PRKN: variants seen among roughly 807,000 people sequenced by gnomAD.
The protein encoded by PRKN is E3 ubiquitin-protein ligase parkin.
PRKN carries 56 observed loss-of-function variants against 59.5 expected under a neutral mutation model. The observed-to-expected ratio is 0.94, with a 90% CI of 0.76 to 1.18. PRKN has a LOEUF of 1.18. PRKN is among the 50% of genes most tolerant of loss of function. The probability of loss-of-function intolerance (pLI) is 0.00; values close to 1 mark genes in which losing one functional copy is unlikely to be tolerated. For missense variants in PRKN, 657 were observed against 596.4 expected (o/e 1.10, Z -1.06); for synonymous variants, 250 against 222.1 (o/e 1.13, Z -1.12).
chr6:162,657,782 G>A (rs915351488), intron 1 of PRKN, among the ~76,000 whole-genome samples: 1 of 152,076 alleles, frequency 6.6e-6, no homozygotes. Context: ...TGCCATTTCA[G>A]TATGGTCTGG....
Position 161,385,844 on chromosome 6 carries a change from C to G in PRKN, c.1167+950G>C, listed in dbSNP as rs551951538. On this transcript the variant is annotated intron_variant, in intron 10 of 11. Coordinates refer to ENST00000366898, the MANE Select transcript of PRKN (RefSeq NM_004562.3). This position sits in a 1 kb window ranked among gnomAD's most constrained non-coding sequence, Gnocchi z 4.9. ...TGCCTGGGCTATGGAAATGGCAACT[C>G]AGTCCTAAATCCACTCATATGCTCA... Among the ~76,000 whole-genome samples, 9 of 152,356 alleles carry G rather than the reference C, an allele frequency of 5.9e-5. No homozygotes were observed. The South Asian group carries it at 1.9e-3, about 32-fold the overall frequency.
rs755447980 is a variant in PRKN at position 162,290,301 on chromosome 6, ACTT to A, written c.172-27539_172-27537del. 2.0e-5 allele frequency among the ~76,000 whole-genome samples: 3 copies of A among 152,260 alleles called. No homozygotes were observed. In the East Asian group the frequency reaches 5.8e-4, roughly 29 times the overall value. On this transcript the variant is annotated intron_variant, in intron 2 of 11. Coordinates refer to ENST00000366898, the MANE Select transcript of PRKN (RefSeq NM_004562.3). ...AATATAAGATATCTGTTGTACTAAG[ACTT>A]CATTGAATAAGTTTCTTAAACAGAC...
chr6:161,994,776 G>A (rs1340580278), intron 5 of PRKN, among the ~76,000 whole-genome samples: 1 of 151,852 alleles, frequency 6.6e-6, no homozygotes. Flanking sequence ...ACCTTTGCAA[G>A]GAAAACTACA....
At chr6:162,211,652 T>C (rs970172522) in intron 3 of PRKN, among the ~76,000 whole-genome samples, 2 of 152,210 alleles carry the variant, frequency 1.3e-5, no homozygotes, top group African/African-American at 4.8e-5. Flanking sequence ...TTTGTTCATC[T>C]TCAATAGCCA....
intron 1 of PRKN, among the ~76,000 whole-genome samples, chr6:162,536,789 T>A (rs1651818762): frequency 6.6e-6 from 1 of 152,178 alleles, no homozygotes; most frequent in Admixed American, 6.5e-5. Context: ...TAAACACATT[T>A]TTTTGAAGCC....
chr6:161,819,798 C>T (rs1279077134), intron 6 of PRKN, among the ~76,000 whole-genome samples: 2 of 152,064 alleles, frequency 1.3e-5, no homozygotes, highest in Non-Finnish European at 2.9e-5. Flanking sequence ...TTATTTTATC[C>T]ACCACTGAAG....
rs557650685 is a variant in PRKN at position 161,937,016 on chromosome 6, C to T, written c.734+36286G>A. On this transcript the variant is annotated intron_variant, in intron 6 of 11. Coordinates refer to ENST00000366898, the MANE Select transcript of PRKN (RefSeq NM_004562.3). ...GGCCAGGTTGGTCATGAACTCCTGA[C>T]CTCAAGTAATCTGCATGCCTTGGCC... Among the ~76,000 whole-genome samples the T allele has an allele frequency of 3.3e-5, 5 of 152,048 alleles. No individual in the cohort carries two copies. In the South Asian group the frequency reaches 1.0e-3, roughly 32 times the overall value.
At chr6:162,352,840 G>C (rs966682172) in intron 2 of PRKN, among the ~76,000 whole-genome samples, 2 of 152,080 alleles carry the variant, frequency 1.3e-5, no homozygotes, top group Non-Finnish European at 2.9e-5. Context: ...CATCTTAAAA[G>C]TATCCATTTT....
rs1242087356 is a variant in PRKN at position 161,385,247 on chromosome 6, GC to G, written c.1167+1546del. Among the ~76,000 whole-genome samples, 3 of 152,108 alleles carry G rather than the reference GC, an allele frequency of 2.0e-5. No homozygotes were observed. Among genetic ancestry groups the G allele is most frequent in the Non-Finnish European group, 2.9e-5 (2 of 68,022 alleles). On this transcript the variant is annotated intron_variant, in intron 10 of 11. Coordinates refer to ENST00000366898, the MANE Select transcript of PRKN (RefSeq NM_004562.3). This position sits in a 1 kb window ranked among gnomAD's most constrained non-coding sequence, Gnocchi z 4.9. ...CCGGCCGGGAAATATACTTTTCAAT[GC>G]ATTTTTCTAGAGAGTCTAGCAGCTG... is the stretch of plus-strand genomic sequence containing the variant.
chr6:162,074,503 T>C (rs1478247702), intron 4 of PRKN, among the ~76,000 whole-genome samples: 1 of 151,180 alleles, frequency 6.6e-6, no homozygotes, highest in Non-Finnish European at 1.5e-5. Flanking sequence ...GGGGGAGGGA[T>C]AGCATTGGGA....
intron 6 of PRKN, among the ~76,000 whole-genome samples, chr6:161,897,649 C>A (rs1777682788): frequency 1.3e-5 from 2 of 152,108 alleles, no homozygotes; most frequent in African/African-American, 4.8e-5. Context: ...GTGCTTCTAC[C>A]CTCTGTGATA....
chr6:161,748,969 A>C (rs1340455779), intron 7 of PRKN, among the ~76,000 whole-genome samples: 3 of 152,198 alleles, frequency 2.0e-5, no homozygotes, highest in African/African-American at 7.2e-5. Flanking sequence ...GAAACAAAAC[A>C]AACCAACCCG....
chr6:161,448,053 T>C lies in PRKN; in HGVS notation c.1084-61176A>G, dbSNP rs1327553066. 6.6e-6 allele frequency among the ~76,000 whole-genome samples: 1 copy of C among 152,332 alleles called. No homozygotes were observed. Among genetic ancestry groups the C allele is most frequent in the East Asian group, 1.9e-4 (1 of 5,180 alleles). On this transcript the variant is annotated intron_variant, in intron 9 of 11. Transcript: ENST00000366898. This position sits in a 1 kb window ranked among gnomAD's most constrained non-coding sequence, Gnocchi z 5.1. ...GACCTTGGTCATTGTTATCTCTTTA[T>C]AATAAAATGCTAAGCAACCCCCTTA...
intron 1 of PRKN, among the ~76,000 whole-genome samples, chr6:162,590,805 C>T (rs968315709): frequency 9.2e-5 from 14 of 152,212 alleles, no homozygotes; most frequent in Admixed American, 6.5e-4. Context: ...CGCCATGACC[C>T]GGCACAGACG....
intron 9 of PRKN, among the ~76,000 whole-genome samples, chr6:161,439,941 GTTTTGTTTTGTTTTTTGT>G (rs1313432600): frequency 1.4e-5 from 2 of 138,788 alleles, no homozygotes; most frequent in African/African-American, 2.7e-5. Context: ...TTTGTTTTTT[GTTTTGTTTTGTTTTTTGT>G]TTTTTTTTTT....
intron 4 of PRKN, among the ~76,000 whole-genome samples, chr6:162,086,009 A>G (rs1382862337): frequency 6.6e-6 from 1 of 152,124 alleles, no homozygotes; most frequent in African/African-American, 2.4e-5. Context: ...TTCCTTCTTA[A>G]GGCTTTGAAA....
chr6:162,177,786 A>G (rs1259079610), intron 4 of PRKN, among the ~76,000 whole-genome samples: 7 of 152,176 alleles, frequency 4.6e-5, no homozygotes, highest in Non-Finnish European at 8.8e-5. Flanking sequence ...GGACATTTGA[A>G]TCCAGTGGCA....
intron 2 of PRKN, among the ~76,000 whole-genome samples, chr6:162,325,949 T>C: frequency 6.6e-6 from 1 of 152,160 alleles, no homozygotes. Context: ...CGTGGTCATG[T>C]CTAATGGTGA....
At chr6:162,406,408 A>G (rs1353290022) in intron 2 of PRKN, among the ~76,000 whole-genome samples, 1 of 152,220 alleles carries the variant, frequency 6.6e-6, no homozygotes, top group Non-Finnish European at 1.5e-5. Context: ...TTATTCCAGA[A>G]AAACACACCA....
Sources: allele counts gnomAD v4.1 joint callset (sites outside exome capture counted in the v4.1 genomes callset), GRCh38; gene constraint gnomAD v4.1.1; non-coding constraint Gnocchi (gnomAD v3.1); transcripts MANE v1.5; gene names NCBI Gene and HGNC (gene_info 2026-07-23, HGNC 2026-07-21).